The following PRELID2 variants were observed in gnomAD, a reference collection of about 807,000 sequenced individuals.
PRELID2 encodes the protein PRELI domain-containing protein 2.
A neutral mutation model predicts 28.4 loss-of-function variants in PRELID2; 25 were observed. The ratio of observed to expected loss-of-function variants is 0.88; its 90% CI spans 0.64 to 1.23. The LOEUF (loss-of-function observed/expected upper bound fraction) is 1.23. Among genes scored for constraint, PRELID2 ranks in the 50% most tolerant of loss-of-function variants. The probability of loss-of-function intolerance (pLI) is 0.00; values close to 1 mark genes in which losing one functional copy is unlikely to be tolerated. For missense variants in PRELID2, 201 were observed against 214.4 expected, an observed-to-expected ratio of 0.94 and a Z score of 0.39; for synonymous variants, 76 against 71.6, an observed-to-expected ratio of 1.06 and a Z score of -0.31.
chr5:145,616,617 G>A (rs964466351), intron 1 of PRELID2, among the ~76,000 whole-genome samples: 1 of 152,152 alleles, frequency 6.6e-6, no homozygotes, highest in Admixed American at 6.6e-5. Flanking sequence ...ATTTTCAAAA[G>A]GGGAGGGAGT....
chr5:145,493,199 T>C (rs1220800254), intron 1 of PRELID2, among the ~76,000 whole-genome samples: 1 of 150,392 alleles, frequency 6.6e-6, no homozygotes, highest in Non-Finnish European at 1.5e-5. Context: ...CCCTGGAGAG[T>C]TCTACTCCAC....
intron 1 of PRELID2, among the ~76,000 whole-genome samples, chr5:145,731,593 G>T (rs1756347862): frequency 3.3e-5 from 5 of 152,162 alleles, no homozygotes; most frequent in African/African-American, 4.8e-5. Flanking sequence ...AACATGGCAG[G>T]TCATTTCTCC....
At chr5:145,370,086 T>C in the PRELID2 span, among the ~76,000 whole-genome samples, 1 of 152,132 alleles carries the variant, frequency 6.6e-6, no homozygotes, top group Non-Finnish European at 1.5e-5. Context: ...TTCAGTCTGA[T>C]GCTGGTTTCT....
chr5:145,297,743 C>A, the PRELID2 span, among the ~76,000 whole-genome samples: 6 of 152,182 alleles, frequency 3.9e-5, no homozygotes, highest in African/African-American at 1.4e-4. Context: ...CCAAAATCTC[C>A]TTAAGCTGAT....
chr5:145,789,254 C>A (rs1752208324), intron 5 of PRELID2, among the ~76,000 whole-genome samples: 1 of 152,094 alleles, frequency 6.6e-6, no homozygotes, highest in African/African-American at 2.4e-5. Flanking sequence ...AAATACATTA[C>A]AAACCTATAG....
intron 1 of PRELID2, among the ~76,000 whole-genome samples, chr5:145,581,806 C>A (rs1336408456): frequency 6.6e-6 from 1 of 152,006 alleles, no homozygotes; most frequent in African/African-American, 2.4e-5. Flanking sequence ...AAATTGAGGA[C>A]CAGTCATGCA....
At chr5:145,638,497 A>G (rs1196777176) in intron 1 of PRELID2, among the ~76,000 whole-genome samples, 1 of 152,168 alleles carries the variant, frequency 6.6e-6, no homozygotes, top group Admixed American at 6.5e-5. Context: ...TTAACTGTCT[A>G]TATCTTACCC....
At chr5:145,710,155 C>T (rs1012796826) in intron 1 of PRELID2, among the ~76,000 whole-genome samples, 4 of 152,120 alleles carry the variant, frequency 2.6e-5, no homozygotes, top group Admixed American at 1.3e-4. Flanking sequence ...AAGGTTTGGA[C>T]GTGTGCCAAG....
chr5:145,623,376 A>G (rs1298732170), intron 1 of PRELID2, among the ~76,000 whole-genome samples: 1 of 151,890 alleles, frequency 6.6e-6, no homozygotes, highest in Admixed American at 6.6e-5. Context: ...TGAACCCAGG[A>G]GGCAGAGGTT....
the PRELID2 span, among the ~76,000 whole-genome samples, chr5:145,356,124 A>G: frequency 6.6e-6 from 1 of 152,266 alleles, no homozygotes; most frequent in Admixed American, 6.5e-5. Flanking sequence ...ATATTGACCT[A>G]ACACTGGCCT....
intron 1 of PRELID2, among the ~76,000 whole-genome samples, chr5:145,731,267 T>C (rs116784281): frequency 2.3e-3 from 357 of 152,338 alleles, no homozygotes; most frequent in Non-Finnish European, 3.5e-3. Context: ...CATTGATCCA[T>C]TGATCACAGC....
intron 1 of PRELID2, among the ~76,000 whole-genome samples, chr5:145,641,390 C>T (rs1222659625): frequency 6.6e-6 from 1 of 152,000 alleles, no homozygotes; most frequent in Admixed American, 6.5e-5. Flanking sequence ...AGATGGTAAA[C>T]TTTGTTAAGA....
chr5:145,326,989 TCCCAAAAGACACAGTCACAAAC>T, the PRELID2 span, among the ~76,000 whole-genome samples: 5 of 19,384 alleles, frequency 2.6e-4, no homozygotes, highest in East Asian at 8.5e-3. Context: ...CACAAACGCC[TCCCAAAAGACACAGTCACAAAC>T]GCCATAATCT....
the PRELID2 span, among the ~76,000 whole-genome samples, chr5:145,299,644 CGT>C: frequency 0.24 from 26,108 of 108,992 alleles, 2,532 homozygotes; most frequent in East Asian, 0.33. Context: ...TATGTGTGTG[CGT>C]GTGTGTGTGT....
At chr5:145,817,421 T>TTATATATATATATTTTTATATATATA (rs1554099436) in intron 4 of PRELID2, among the ~76,000 whole-genome samples, 1 of 103,596 alleles carries the variant, frequency 9.7e-6, no homozygotes, top group Non-Finnish European at 2.0e-5. Context: ...TAAGCTAGTT[T>TTATATATATATATTTTTATATATATA]TATATATATA....
chr5:145,784,036 T>C (rs1751820988), intron 5 of PRELID2, among the ~76,000 whole-genome samples: 1 of 151,710 alleles, frequency 6.6e-6, no homozygotes, highest in South Asian at 2.1e-4. Context: ...AATCCCAGCA[T>C]TTTGGGAGGC....
At chr5:145,251,252 T>A in the PRELID2 span, among the ~76,000 whole-genome samples, 1 of 152,124 alleles carries the variant, frequency 6.6e-6, no homozygotes, top group South Asian at 2.1e-4. Context: ...ATCATATGGA[T>A]AATACTATTG....
At chr5:145,480,357 G>A (rs1265613890) in intron 1 of PRELID2, among the ~76,000 whole-genome samples, 1 of 152,104 alleles carries the variant, frequency 6.6e-6, no homozygotes, top group East Asian at 1.9e-4. Flanking sequence ...TTATTGGGTT[G>A]TGGGTTTTTG....
intron 1 of PRELID2, among the ~76,000 whole-genome samples, chr5:145,625,639 C>A (rs1228476547): frequency 6.6e-6 from 1 of 152,116 alleles, no homozygotes; most frequent in Non-Finnish European, 1.5e-5. Flanking sequence ...AACTGTAATT[C>A]TCTTGCTTGG....
Sources: allele counts gnomAD v4.1 joint callset (sites outside exome capture counted in the v4.1 genomes callset), GRCh38; gene constraint gnomAD v4.1.1; transcripts MANE v1.5; gene names NCBI Gene and HGNC (gene_info 2026-07-23, HGNC 2026-07-21).